Variants in DTNA observed in about 807,000 individuals in gnomAD.
DTNA encodes the protein dystrobrevin alpha, also known as dystrophin-related protein 3.
A neutral mutation model predicts 100.7 loss-of-function variants in DTNA; 43 were observed. That is an observed-to-expected ratio of 0.43 (90% CI 0.33 to 0.55). The LOEUF (loss-of-function observed/expected upper bound fraction) is 0.55, where lower values mean the gene tolerates loss of function less well. DTNA is among the 20% of genes least tolerant of loss of function. DTNA has a pLI of 0.04. For missense variants in DTNA, 798 were observed against 953.9 expected (o/e 0.84, Z 2.15); for synonymous variants, 349 against 347.9 (o/e 1.00, Z -0.04).
chr18:34,866,503 G>A, intron 17 of DTNA: 4 of 1,160,542 alleles, frequency 3.4e-6, no homozygotes, highest in Non-Finnish European at 4.3e-6. Flanking sequence ...GAGATACCCT[G>A]AGGTTCATGT....
At position 34,715,699 on chromosome 18, in the gene DTNA, A is replaced by C. The variant is rs186085073; in HGVS notation, c.-2+5254A>C. Reference sequence around the variant, plus strand: ...ATAGAAAAGGATGACCTCAAAGACAAAAATCATAAAGGAATGGTAATATGA... The same window carrying C: ...ATAGAAAAGGATGACCTCAAAGACACAAATCATAAAGGAATGGTAATATGA... On this transcript the variant is annotated intron_variant, in intron 1 of 22. Coordinates refer to ENST00000444659, the MANE Select transcript of DTNA (RefSeq NM_001386795.1). Among the ~76,000 whole-genome samples, 994 of 152,216 alleles carry C rather than the reference A, an allele frequency of 6.5e-3. 6 individuals are homozygous for C. The highest frequency in any genetic ancestry group is 0.031 in the Middle Eastern group (9 of 294).
intron 1 of DTNA, among the ~76,000 whole-genome samples, chr18:34,606,481 C>A (rs1244441834): frequency 6.6e-6 from 1 of 152,096 alleles, no homozygotes; most frequent in Non-Finnish European, 1.5e-5. Context: ...CAATAACATG[C>A]ATATTGGAGT....
rs74678869 is a variant in DTNA, at chr18:34,873,971, T to C, written c.1744-1268T>C. Among the ~76,000 whole-genome samples, 115 of 152,266 alleles carry C rather than the reference T, an allele frequency of 7.6e-4. 1 individual carries two copies. In the East Asian group the frequency reaches 0.02, roughly 27 times the overall value. On this transcript the variant is annotated intron_variant, in intron 17 of 22. Transcript: ENST00000444659. ...GTGAAAGAATGGGACCCTCAGCCCA[T>C]TGGGCACCCCATGGGTTATTTTCTG... is the stretch of plus-strand genomic sequence containing the variant.
chr18:34,524,762 T>A (rs185229415), intron 1 of DTNA, among the ~76,000 whole-genome samples: 7,561 of 151,336 alleles, frequency 0.05, 560 homozygotes, highest in African/African-American at 0.17. Flanking sequence ...GATTTTTTTT[T>A]AAAAAAAAGG....
chr18:34,528,598 A>G (rs548714331), intron 1 of DTNA, among the ~76,000 whole-genome samples: 2 of 152,216 alleles, frequency 1.3e-5, no homozygotes, highest in South Asian at 4.1e-4. Context: ...GAAAAAAAAG[A>G]AAGAACTACC....
chr18:34,531,798 C>T (rs891194682), intron 1 of DTNA, among the ~76,000 whole-genome samples: 1 of 152,050 alleles, frequency 6.6e-6, no homozygotes, highest in Admixed American at 6.6e-5. Context: ...ATCTGAAAAG[C>T]CCTGAAACAA....
intron 21 of DTNA, among the ~76,000 whole-genome samples, 154 bp from the exon 22 acceptor site, chr18:34,884,574 G>T (rs564208759): frequency 6.6e-6 from 1 of 152,140 alleles, no homozygotes; most frequent in Non-Finnish European, 1.5e-5. Flanking sequence ...GTGAGCATAC[G>T]GTTGTTGGAT....
intron 1 of DTNA, among the ~76,000 whole-genome samples, chr18:34,667,973 T>G (rs894803990): frequency 1.3e-5 from 2 of 152,226 alleles, no homozygotes; most frequent in Admixed American, 1.3e-4. Context: ...TCTTTTTCTA[T>G]TGATTGGAAT....
In DTNA at chr18:34,569,769, A is replaced by G. The variant is rs75015171; in HGVS notation, c.-2+76255A>G. On this transcript the variant is annotated intron_variant, in intron 1 of 19. Coordinates refer to the DTNA transcript ENST00000283365. The stretch of plus-strand genomic sequence containing the variant: ...ATTCCTTCTTGGTTGGGGGAAGTCA[A>G]TCTTTGTTCTATTAAGGCCTTTAGC... Among the ~76,000 whole-genome samples the G allele has an allele frequency of 7.5e-3, 1,137 of 152,158 alleles. 17 individuals are homozygous for G. Among genetic ancestry groups the G allele is most frequent in the African/African-American group, 0.025 (1,054 of 41,510 alleles).
intron 1 of DTNA, among the ~76,000 whole-genome samples, chr18:34,754,477 G>A (rs181074074): frequency 2.6e-5 from 4 of 152,246 alleles, no homozygotes; most frequent in Non-Finnish European, 2.9e-5. Flanking sequence ...TCACTGTAGT[G>A]CACTCAGAGG....
intron 1 of DTNA, among the ~76,000 whole-genome samples, chr18:34,498,743 T>G (rs2039563695): frequency 6.6e-6 from 1 of 152,116 alleles, no homozygotes; most frequent in Non-Finnish European, 1.5e-5. Context: ...AGAACAGCTA[T>G]GTGCGTATCT....
intron 1 of DTNA, among the ~76,000 whole-genome samples, chr18:34,624,225 A>G (rs529987963): frequency 1.6e-4 from 24 of 152,326 alleles, no homozygotes; most frequent in South Asian, 8.3e-4. Flanking sequence ...ATTCAATTTC[A>G]ATTCACTTTT....
At chr18:34,687,076 T>A (rs2079007702) in intron 1 of DTNA, among the ~76,000 whole-genome samples, 1 of 152,192 alleles carries the variant, frequency 6.6e-6, no homozygotes, top group African/African-American at 2.4e-5. Context: ...ATTTTGTTAA[T>A]CTTTTCAAAA....
At chr18:34,753,361 A>ATTTATTTT (rs1568412397) in intron 1 of DTNA, among the ~76,000 whole-genome samples, 3 of 96,902 alleles carry the variant, frequency 3.1e-5, no homozygotes, top group African/African-American at 1.6e-4. Context: ...TTATTTATTT[A>ATTTATTTT]TTTTATTTTT....
chr18:34,732,771 A>T (rs1047591676), intron 1 of DTNA, among the ~76,000 whole-genome samples: 3 of 152,208 alleles, frequency 2.0e-5, no homozygotes, highest in Admixed American at 2.0e-4. Context: ...TTAAATTTCA[A>T]TTTCAGATAA....
chr18:34,792,069 A>G (rs2094769177), intron 3 of DTNA, among the ~76,000 whole-genome samples: 2 of 145,430 alleles, frequency 1.4e-5, no homozygotes, highest in Non-Finnish European at 3.0e-5. Context: ...TAAAGGACAC[A>G]GTAACGGTTC....
chr18:34,600,222 A>G (rs1360154343), intron 1 of DTNA, among the ~76,000 whole-genome samples: 2 of 152,168 alleles, frequency 1.3e-5, no homozygotes, highest in Non-Finnish European at 2.9e-5. Flanking sequence ...ATTTTTTATT[A>G]CATATTTAAT....
intron 1 of DTNA, among the ~76,000 whole-genome samples, chr18:34,726,061 A>T (rs570833808): frequency 1.3e-5 from 2 of 152,274 alleles, no homozygotes; most frequent in South Asian, 4.1e-4. Flanking sequence ...GAACACATGG[A>T]CACAGGGAGG....
chr18:34,616,198 C>G (rs189461878), intron 1 of DTNA, among the ~76,000 whole-genome samples: 2 of 152,280 alleles, frequency 1.3e-5, no homozygotes, highest in East Asian at 3.9e-4. Flanking sequence ...ATTTACATTT[C>G]CACTAGCAAC....
Sources: gnomAD v4.1 joint callset for allele counts (sites outside exome capture counted in the v4.1 genomes callset) on GRCh38, gnomAD v4.1.1 for gene constraint, MANE v1.5 for transcripts, NCBI Gene and HGNC (gene_info 2026-07-23, HGNC 2026-07-21) for gene names.